Variants in PLAT observed in about 807,000 individuals in gnomAD.
The protein encoded by PLAT is plasminogen activator, tissue type.
PLAT carries 48 observed loss-of-function variants against 74.9 expected under a neutral mutation model. That is an observed-to-expected ratio of 0.64 (90% CI 0.51 to 0.82). PLAT has a LOEUF of 0.82. PLAT is among the 40% of genes least tolerant of loss of function. The pLI is 0.00. For synonymous variants in PLAT, 307 were observed against 294.4 expected, an observed-to-expected ratio of 1.04 and a Z score of -0.44; for missense variants, 673 against 736.2, an observed-to-expected ratio of 0.91 and a Z score of 0.99.
intron 6 of PLAT, chr8:42,186,192 C>A (rs1476902722): frequency 1.3e-5 from 2 of 149,012 alleles, no homozygotes; most frequent in Non-Finnish European, 3.0e-5. Context: ...AAGGACATTC[C>A]TTGCAGGCCT....
At chr8:42,181,663 C>T (rs8178779) in intron 9 of PLAT, among the ~76,000 whole-genome samples, 321 of 152,306 alleles carry the variant, frequency 2.1e-3, no homozygotes, top group African/African-American at 6.7e-3. Context: ...CCAATAGAGG[C>T]GTCTAGAGAG....
chr8:42,200,694 G>T (rs1209690221), intron 1 of PLAT, among the ~76,000 whole-genome samples: 1 of 91,696 alleles, frequency 1.1e-5, no homozygotes. Flanking sequence ...AAAAAAAAAA[G>T]TATAAGCGTC....
chr8:42,196,566 T>A (rs7844464), intron 1 of PLAT, among the ~76,000 whole-genome samples: 2,398 of 151,924 alleles, frequency 0.016, 82 homozygotes, highest in African/African-American at 0.055. Context: ...GCTGAAGAGG[T>A]GGGCGTCGAG....
At chr8:42,193,269 A>G in intron 1 of PLAT, 58 bp from the exon 2 acceptor site, 1 of 1,131,196 alleles carries the variant, frequency 8.8e-7, no homozygotes, top group Non-Finnish European at 1.3e-6. Context: ...TGATGGCAAC[A>G]GAGGAGGATA....
chr8:42,183,675 C>T (rs889773441), intron 7 of PLAT, among the ~76,000 whole-genome samples: 3 of 151,878 alleles, frequency 2.0e-5, no homozygotes, highest in Admixed American at 6.6e-5. Context: ...ATTTTTTTCT[C>T]CCGACCTGAA....
At position 42,191,368 on chromosome 8, in the gene PLAT, C is replaced by T. The variant is rs764316813; in HGVS notation, c.115+4G>A. The T allele has an allele frequency of 1.5e-5, 24 of 1,613,904 alleles. No homozygotes were observed. The highest frequency in any genetic ancestry group is 8.8e-5 in the South Asian group (8 of 91,074). ...ACCCCATGCACCCCTCAGCTTCACCCGACCTTGGTAAGATCTGGCTCCTCT... is the reference window on the plus strand; with the variant it reads ...ACCCCATGCACCCCTCAGCTTCACCTGACCTTGGTAAGATCTGGCTCCTCT... On this transcript the variant is annotated splice_donor_region_variant and intron_variant, in intron 3 of 13. Coordinates refer to ENST00000220809, the MANE Select transcript of PLAT (RefSeq NM_000930.5).
chr8:42,184,269 C>A (rs780965702), intron 7 of PLAT, among the ~76,000 whole-genome samples: 12 of 151,872 alleles, frequency 7.9e-5, no homozygotes, highest in Non-Finnish European at 1.6e-4. Context: ...TAAAAAAAAT[C>A]TTTCATAGTG....
chr8:42,191,235 A>G (rs1805671334), intron 3 of PLAT, 137 bp downstream of exon 3: 2 of 736,852 alleles, frequency 2.7e-6, no homozygotes, highest in African/African-American at 1.7e-5. Context: ...ATCTCTGTAG[A>G]ATCATGCTGC....
At chr8:42,189,935 T>C (rs918850113) in intron 3 of PLAT, among the ~76,000 whole-genome samples, 4 of 148,434 alleles carry the variant, frequency 2.7e-5, no homozygotes, top group African/African-American at 7.4e-5. Context: ...TTTTTTTTTT[T>C]CGAGGGTCTC....
chr8:42,197,382 C>A (rs955605464), intron 1 of PLAT, among the ~76,000 whole-genome samples: 1 of 152,226 alleles, frequency 6.6e-6, no homozygotes, highest in Admixed American at 6.5e-5. Context: ...CCCTGCCAAA[C>A]AACCTGTGAA....
chr8:42,201,624 A>C (rs963779246), intron 1 of PLAT, among the ~76,000 whole-genome samples: 1 of 152,200 alleles, frequency 6.6e-6, no homozygotes, highest in Non-Finnish European at 1.5e-5. Context: ...AACAGTATCA[A>C]CAGGAGCCAT....
intron 9 of PLAT, among the ~76,000 whole-genome samples, chr8:42,181,616 G>A (rs572948166): frequency 1.3e-5 from 2 of 152,308 alleles, no homozygotes; most frequent in South Asian, 2.1e-4. Context: ...CCATGCATGC[G>A]AGGCCTCCTC....
intron 5 of PLAT, 82 bp from the exon 6 acceptor site, chr8:42,187,654 C>G: frequency 7.4e-7 from 1 of 1,345,188 alleles, no homozygotes; most frequent in Non-Finnish European, 1.0e-6. Context: ...TCTGCCCCGT[C>G]CTCCCCCAGG....
chr8:42,175,844 G>C lies in PLAT; in HGVS notation c.*149C>G. The C allele has an allele frequency of 3.0e-6, 2 of 668,540 alleles. No individual in the cohort carries two copies. Among genetic ancestry groups the C allele is most frequent in the South Asian group, 2.2e-5 (1 of 45,162 alleles). 41.4% of individuals were successfully genotyped at this position (668,540 alleles called of 1,614,324 possible). A position where few individuals can be genotyped will look rare whatever the true frequency, so the allele number is the denominator to read the frequency against. On this transcript the variant is annotated 3_prime_UTR_variant, in exon 14 of 14. Coordinates refer to ENST00000220809, the MANE Select transcript of PLAT (RefSeq NM_000930.5). The stretch of plus-strand genomic sequence containing the variant: ...CAAAATGGGAAGTATCTGGGAAAAT[G>C]CACTCTTCCCTCTCCTGTAGGGTCT...
At chr8:42,193,715 CTT>C (rs59602216) in intron 1 of PLAT, 103 of 147,370 alleles carry the variant, frequency 7.0e-4, no homozygotes, top group Admixed American at 1.7e-3. Flanking sequence ...GTAGCATGTC[CTT>C]TTTTTTTTTT....
chr8:42,194,717 C>T (rs1321754556), intron 1 of PLAT, among the ~76,000 whole-genome samples: 2 of 152,216 alleles, frequency 1.3e-5, no homozygotes, highest in Non-Finnish European at 2.9e-5. Context: ...CAGGTTCCTC[C>T]ACGCAGGATG....
rs148395817 is a variant in PLAT at position 42,187,625 on chromosome 8, C to T, written c.365-53G>A. 407 of 1,490,562 alleles carry T rather than the reference C, an allele frequency of 2.7e-4. 5 individuals are homozygous for T. The East Asian group carries it at 7.3e-3, about 27-fold the overall frequency. The allele number at this position is 1,490,562 out of a possible 1,614,324, so 92.3% of individuals were successfully genotyped here. ...CACATGGGAGTCCCCTTTCATTCAG[C>T]CCTCAGGAGGCTCCCCTCTCTGCCC... On this transcript the variant is annotated intron_variant, in intron 5 of 13. Transcript: ENST00000220809.
Position 42,176,001 on chromosome 8 carries a change from G to T in PLAT, c.1681C>A (p.Arg561=). The T allele has an allele frequency of 6.2e-7, 1 of 1,613,960 alleles. No individual in the cohort carries two copies. Among genetic ancestry groups the T allele is most frequent in the Non-Finnish European group, 8.5e-7 (1 of 1,179,900 alleles). Residue 561 remains arginine, a synonymous_variant, in exon 14 of 14, where the codon CGA becomes AGA. Coordinates refer to ENST00000220809, the MANE Select transcript of PLAT (RefSeq NM_000930.5). ...NYLDWIRDNM[R]P is the part of the protein sequence containing the mutation. ...GAGTCGGGTGTTCCTGGTCACGGTC[G>T]CATGTTGTCACGAATCCAGTCTAGG... is the stretch of plus-strand genomic sequence containing the variant.
chr8:42,187,515 G>GTGC lies in PLAT; in HGVS notation c.419_421dup (p.Ser140dup), dbSNP rs1172923888. The GTGC allele has an allele frequency of 6.2e-7, 1 of 1,611,576 alleles. No homozygotes were observed. The highest frequency in any genetic ancestry group is 1.3e-5 in the African/African-American group (1 of 75,062). ...GGTGCACTCGGCGCCACTCTCCGCT[G>GTGC]TGCTCCACGTGCCCCTGTAGCTGAT... On this transcript the variant is annotated inframe_insertion, in exon 6 of 14. Transcript: ENST00000220809.
Sources: gnomAD v4.1 joint callset for allele counts (sites outside exome capture counted in the v4.1 genomes callset) on GRCh38, gnomAD v4.1.1 for gene constraint, MANE v1.5 for transcripts, NCBI Gene and HGNC (gene_info 2026-07-23, HGNC 2026-07-21) for gene names.